TBC1D14: variants seen among roughly 807,000 people sequenced by gnomAD.
The protein encoded by TBC1D14 is TBC1 domain family, member 14.
Under a neutral mutation model 79.0 loss-of-function variants are expected in TBC1D14, and 26 were observed. The observed-to-expected ratio is 0.33, with a 90% CI of 0.24 to 0.46. The LOEUF is 0.46. Among genes scored for constraint, TBC1D14 ranks in the 20% least tolerant of loss-of-function variants. The pLI, the probability that TBC1D14 is intolerant of heterozygous loss-of-function variation, is 1.00. For missense variants in TBC1D14, 769 were observed against 887.6 expected, an observed-to-expected ratio of 0.87 and a Z score of 1.70; for synonymous variants, 394 against 349.9, an observed-to-expected ratio of 1.13 and a Z score of -1.40.
chr4:6,945,748 T>TAAAA (rs1713378793), intron 2 of TBC1D14, among the ~76,000 whole-genome samples: 1 of 9,028 alleles, frequency 1.1e-4, no homozygotes, highest in Non-Finnish European at 1.9e-4. Flanking sequence ...AAACTGCGTC[T>TAAAA]CAAAAAAAAA....
chr4:7,001,299 C>T (rs978498183), intron 7 of TBC1D14, 48 bp downstream of exon 7: 15 of 1,481,616 alleles, frequency 1.0e-5, no homozygotes, highest in Non-Finnish European at 1.3e-5. Context: ...GGCCCTTTGG[C>T]TTCTTCTCTC....
chr4:6,939,901 G>A (rs1239970741), intron 2 of TBC1D14, among the ~76,000 whole-genome samples: 1 of 152,226 alleles, frequency 6.6e-6, no homozygotes, highest in African/African-American at 2.4e-5. Context: ...ACACAGTGGA[G>A]ACGAAGGCCC....
intron 12 of TBC1D14, among the ~76,000 whole-genome samples, chr4:7,015,368 T>G (rs1022496554): frequency 1.3e-5 from 2 of 151,846 alleles, no homozygotes; most frequent in African/African-American, 4.8e-5. Context: ...TTGACTGCGG[T>G]TGGGGAAGGG....
rs150525115 is a variant in TBC1D14, at chr4:6,923,705, G to A, written c.316G>A (p.Ala106Thr). 3.5e-5 allele frequency: 56 copies of A among 1,613,806 alleles called. No individual in the cohort carries two copies. Among genetic ancestry groups the A allele is most frequent in the Non-Finnish European group, 3.9e-5 (46 of 1,180,034 alleles). ...CGAGCGGGCCTTCCAGAGCGCCTGCGCGCTGCCATCCTGTGCGCCACCAGC... is the reference window on the plus strand; with the variant it reads ...CGAGCGGGCCTTCCAGAGCGCCTGCACGCTGCCATCCTGTGCGCCACCAGC... ...IPERAFQSAC[A>T]LPSCAPPAPS... The change falls in exon 2 of 14, where the codon GCG becomes ACG. Residue 106 changes from alanine to threonine, a missense_variant. This residue lies in a region of TBC1D14 where 402 missense variants were observed against 393.2 expected (regional missense o/e 1.02). Transcript: ENST00000409757.
In TBC1D14 at chr4:6,940,531, G is replaced by C. The variant is rs534350590; in HGVS notation, c.722+16420G>C. Among the ~76,000 whole-genome samples the C allele has an allele frequency of 5.9e-5, 9 of 152,250 alleles. No individual in the cohort carries two copies. The East Asian group carries it at 1.5e-3, about 26-fold the overall frequency. On this transcript the variant is annotated intron_variant, in intron 2 of 13. Transcript: ENST00000409757. ...GAGGGCCCTGCCTGGAGTCAGCCTT[G>C]CTGGGGTTGAGGTTCTTGCCTGAGG... is the stretch of plus-strand genomic sequence containing the variant.
At chr4:6,919,545 C>G (rs1315713822) in intron 1 of TBC1D14, among the ~76,000 whole-genome samples, 1 of 152,162 alleles carries the variant, frequency 6.6e-6, no homozygotes, top group Non-Finnish European at 1.5e-5. Context: ...TTATCAATTA[C>G]TATAACATTG....
In TBC1D14 at chr4:7,030,416, G is replaced by A. The variant is rs371452023; in HGVS notation, c.*24G>A. On this transcript the variant is annotated 3_prime_UTR_variant, in exon 14 of 14. Coordinates refer to ENST00000409757, the MANE Select transcript of TBC1D14 (RefSeq NM_020773.3). The stretch of plus-strand genomic sequence containing the variant: ...GAGGCTGCAGCGGGAATTCGCACTC[G>A]GCACCAATCAGAGCCCCATGCCGCG... 170 of 1,613,142 alleles carry A rather than the reference G, an allele frequency of 1.1e-4. No homozygotes were observed. In the African/African-American group the frequency reaches 2.0e-3, roughly 19 times the overall value.
chr4:6,955,626 T>C (rs566679442), intron 2 of TBC1D14, among the ~76,000 whole-genome samples: 1 of 152,210 alleles, frequency 6.6e-6, no homozygotes, highest in Non-Finnish European at 1.5e-5. Flanking sequence ...TTTCTGTTAA[T>C]GAGACAAAGG....
chr4:6,954,019 G>C (rs947306400), intron 2 of TBC1D14, among the ~76,000 whole-genome samples: 2 of 151,908 alleles, frequency 1.3e-5, no homozygotes, highest in African/African-American at 4.9e-5. Context: ...ATGTGGTGCG[G>C]AGCCGTGTCC....
At chr4:6,953,560 G>GA (rs1697365736) in intron 2 of TBC1D14, among the ~76,000 whole-genome samples, 1 of 144,870 alleles carries the variant, frequency 6.9e-6, no homozygotes, top group Non-Finnish European at 1.5e-5. Flanking sequence ...GAACCCCAGG[G>GA]GGCGGAGCCT....
intron 13 of TBC1D14, among the ~76,000 whole-genome samples, chr4:7,026,390 G>A (rs1044689599): frequency 2.0e-5 from 3 of 152,054 alleles, no homozygotes; most frequent in Non-Finnish European, 4.4e-5. Context: ...CTGCAATACC[G>A]TTACCACTCA....
At chr4:7,007,713 C>G (rs1560341546) in intron 9 of TBC1D14, 1 of 823,016 alleles carries the variant, frequency 1.2e-6, no homozygotes, top group Non-Finnish European at 1.7e-6. Flanking sequence ...GCTTCTCCCA[C>G]AGGGCAGATT....
chr4:6,960,775 G>T (rs1038325123), intron 2 of TBC1D14, among the ~76,000 whole-genome samples: 1 of 152,242 alleles, frequency 6.6e-6, no homozygotes, highest in African/African-American at 2.4e-5. Context: ...CCTCCAGGCG[G>T]TTTGCTGTTT....
intron 8 of TBC1D14, among the ~76,000 whole-genome samples, chr4:7,005,660 C>G (rs1235455122): frequency 2.0e-5 from 3 of 151,884 alleles, no homozygotes; most frequent in Non-Finnish European, 4.4e-5. Context: ...GATCTCACCA[C>G]TGCACTCCAG....
At chr4:6,961,823 G>A (rs1363306909) in intron 2 of TBC1D14, among the ~76,000 whole-genome samples, 1 of 152,160 alleles carries the variant, frequency 6.6e-6, no homozygotes, top group Non-Finnish European at 1.5e-5. Context: ...TCTGCAGGGT[G>A]TATGCAGCCG....
intron 2 of TBC1D14, among the ~76,000 whole-genome samples, chr4:6,964,644 C>G (rs182202524): frequency 6.2e-4 from 95 of 152,260 alleles, no homozygotes; most frequent in Non-Finnish European, 1.6e-4. Flanking sequence ...GAAACAAGGT[C>G]TTGCTCTGTC....
intron 6 of TBC1D14, among the ~76,000 whole-genome samples, chr4:7,000,335 G>A (rs548325544): frequency 9.2e-5 from 14 of 152,244 alleles, no homozygotes; most frequent in Admixed American, 2.6e-4. Flanking sequence ...ACTGTTCTCC[G>A]TGCTTTTGTA....
chr4:6,947,661 C>CAA (rs60601291), intron 2 of TBC1D14, among the ~76,000 whole-genome samples: 1,276 of 117,148 alleles, frequency 0.011, 49 homozygotes, highest in Admixed American at 0.076. Flanking sequence ...GATTCCGTCT[C>CAA]AAAAAAAAAA....
chr4:6,998,686 C>T (rs749598246), intron 5 of TBC1D14: 175 of 186,820 alleles, frequency 9.4e-4, no homozygotes, highest in Non-Finnish European at 1.7e-3. Flanking sequence ...CTACAGGCCC[C>T]TGCCATCATG....
Sources: gnomAD v4.1 joint callset for allele counts (sites outside exome capture counted in the v4.1 genomes callset) on GRCh38, gnomAD v4.1.1 for gene constraint, gnomAD v4.1.1 regional missense constraint, MANE v1.5 for transcripts, NCBI Gene and HGNC (gene_info 2026-07-23, HGNC 2026-07-21) for gene names.